The following FOXP2 variants were observed in gnomAD, a reference collection of about 807,000 sequenced individuals.
FOXP2 encodes forkhead box P2.
A neutral mutation model predicts 115.8 loss-of-function variants in FOXP2; 12 were observed. That is an observed-to-expected ratio of 0.10 (90% confidence interval 0.07 to 0.17). The LOEUF (loss-of-function observed/expected upper bound fraction) is 0.17, where lower values mean the gene tolerates loss of function less well. Among genes scored for constraint, FOXP2 ranks in the 10% least tolerant of loss-of-function variants. FOXP2 has a pLI of 1.00. For synonymous variants in FOXP2, 328 were observed against 297.7 expected, an observed-to-expected ratio of 1.10 and a Z score of -1.05; for missense variants, 629 against 843.5, an observed-to-expected ratio of 0.75 and a Z score of 3.15.
intron 1 of FOXP2, among the ~76,000 whole-genome samples, chr7:114,154,859 G>A (rs1048592845): frequency 3.3e-5 from 5 of 152,036 alleles, no homozygotes; most frequent in African/African-American, 9.7e-5. Context: ...AGATTCTGGG[G>A]AAAATACTTC....
intron 1 of FOXP2, among the ~76,000 whole-genome samples, chr7:114,229,601 A>C (rs1216634189): frequency 6.6e-6 from 1 of 151,786 alleles, no homozygotes; most frequent in East Asian, 1.9e-4. Flanking sequence ...GGAAAATTGG[A>C]AAATTCACTA....
intron 2 of FOXP2, among the ~76,000 whole-genome samples, chr7:114,394,232 T>C (rs982409278): frequency 2.0e-5 from 3 of 152,100 alleles, no homozygotes; most frequent in Admixed American, 6.6e-5. Flanking sequence ...TAAGGAATGA[T>C]GGGAATATGC....
chr7:114,554,926 A>C (rs969226114), intron 3 of FOXP2, among the ~76,000 whole-genome samples: 1 of 152,120 alleles, frequency 6.6e-6, no homozygotes, highest in African/African-American at 2.4e-5. Flanking sequence ...ACGTGTATCT[A>C]AAAAAGGGCT....
At chr7:114,208,533 G>C (rs540383180) in intron 1 of FOXP2, among the ~76,000 whole-genome samples, 1 of 152,190 alleles carries the variant, frequency 6.6e-6, no homozygotes, top group East Asian at 1.9e-4. Flanking sequence ...AGGCATACTT[G>C]GTTTTGAAAT....
chr7:114,509,032 A>T (rs1024253921), intron 2 of FOXP2, among the ~76,000 whole-genome samples: 1 of 152,074 alleles, frequency 6.6e-6, no homozygotes, highest in African/African-American at 2.4e-5. Flanking sequence ...GAGATTCTAG[A>T]CAGAGGGAAC....
intron 1 of FOXP2, among the ~76,000 whole-genome samples, chr7:114,102,737 AATGGTTATTC>A (rs1189974900): frequency 1.7e-5 from 2 of 120,522 alleles, no homozygotes; most frequent in Admixed American, 8.2e-5. Flanking sequence ...CACACACCCC[AATGGTTATTC>A]ATATAAATAT....
intron 3 of FOXP2, among the ~76,000 whole-genome samples, chr7:114,568,922 GT>G (rs1346064177): frequency 2.6e-5 from 4 of 151,934 alleles, no homozygotes; most frequent in African/African-American, 7.2e-5. Context: ...ATCCCAACAT[GT>G]TTTGTTAATG....
At chr7:114,534,289 G>C (rs1214694111) in intron 2 of FOXP2, among the ~76,000 whole-genome samples, 1 of 128,200 alleles carries the variant, frequency 7.8e-6, no homozygotes, top group Non-Finnish European at 1.7e-5. Flanking sequence ...AATTTAAAAG[G>C]GAGTGGGCAT....
intron 1 of FOXP2, among the ~76,000 whole-genome samples, chr7:114,109,240 CAT>C (rs1791204674): frequency 6.6e-6 from 1 of 151,938 alleles, no homozygotes; most frequent in Admixed American, 6.6e-5. Flanking sequence ...TATTTGATAA[CAT>C]AGTTTGGATT....
At chr7:114,287,943 A>C (rs533569614) in intron 1 of FOXP2, 11 of 355,416 alleles carry the variant, frequency 3.1e-5, no homozygotes, top group South Asian at 2.3e-4. Flanking sequence ...ATGTTCTGTG[A>C]AGTCACTGCA....
chr7:114,526,306 G>A (rs949244759), intron 2 of FOXP2, among the ~76,000 whole-genome samples: 6 of 149,254 alleles, frequency 4.0e-5, no homozygotes, highest in African/African-American at 1.5e-4. Context: ...GCGAAACTAT[G>A]TCTCTACTAA....
At chr7:114,513,472 C>A (rs1358508838) in intron 2 of FOXP2, among the ~76,000 whole-genome samples, 1 of 152,024 alleles carries the variant, frequency 6.6e-6, no homozygotes. Context: ...TCTTAGACCC[C>A]ACCTCAAGCC....
At chr7:114,443,729 C>G (rs1283002328) in intron 2 of FOXP2, among the ~76,000 whole-genome samples, 2 of 152,118 alleles carry the variant, frequency 1.3e-5, no homozygotes, top group Non-Finnish European at 2.9e-5. Flanking sequence ...CAGTTCCACC[C>G]ATGTTGCTGC....
rs186045900 is a variant in FOXP2, at chr7:114,094,884, A to C, written c.-247+7046A>C. Among the ~76,000 whole-genome samples the C allele has an allele frequency of 8.0e-4, 122 of 152,152 alleles. 1 individual carries two copies. Among genetic ancestry groups the C allele is most frequent in the South Asian group, 1.9e-3 (9 of 4,830 alleles). On this transcript the variant is annotated intron_variant, in intron 1 of 19. Coordinates refer to the FOXP2 transcript ENST00000635638. ...TATGTTGTCCAGGTTGGGAAAAAAA[A>C]CCCACAAAACTATTAACTCACACCT...
At chr7:114,534,083 A>C (rs1355713523) in intron 2 of FOXP2, among the ~76,000 whole-genome samples, 1 of 151,862 alleles carries the variant, frequency 6.6e-6, no homozygotes, top group Non-Finnish European at 1.5e-5. Context: ...ACTGCACTTT[A>C]TTTTGTCAAA....
intron 16 of FOXP2, among the ~76,000 whole-genome samples, chr7:114,678,388 T>C (rs769348119): frequency 6.6e-6 from 1 of 152,094 alleles, no homozygotes; most frequent in Non-Finnish European, 1.5e-5. Flanking sequence ...CCGTGTCTTA[T>C]AGCTCATTAA....
chr7:114,202,596 T>G (rs935911630), intron 1 of FOXP2, among the ~76,000 whole-genome samples: 14 of 152,178 alleles, frequency 9.2e-5, no homozygotes, highest in Non-Finnish European at 1.6e-4. Flanking sequence ...TCTTTCCTTG[T>G]AACAGAATGA....
intron 2 of FOXP2, chr7:114,498,800 G>A: frequency 1.4e-6 from 1 of 711,066 alleles, no homozygotes; most frequent in Non-Finnish European, 2.6e-6. Context: ...TTTTTTTGGG[G>A]GTATATGTCA....
At chr7:114,423,909 CCTT>C (rs1211840891) in intron 1 of FOXP2, among the ~76,000 whole-genome samples, 3 of 151,304 alleles carry the variant, frequency 2.0e-5, no homozygotes, top group Admixed American at 1.3e-4. Context: ...ACACAATCAC[CCTT>C]CTTTTTTCAT....
Sources: gnomAD v4.1 joint callset for allele counts (sites outside exome capture counted in the v4.1 genomes callset) on GRCh38, gnomAD v4.1.1 for gene constraint, MANE v1.5 for transcripts, NCBI Gene and HGNC (gene_info 2026-07-23, HGNC 2026-07-21) for gene names.